Variants in CHRNA5 observed in about 807,000 individuals in gnomAD.
The protein encoded by CHRNA5 is cholinergic receptor nicotinic alpha 5 subunit.
Under a neutral mutation model 41.2 loss-of-function variants are expected in CHRNA5, and 28 were observed. That is an observed-to-expected ratio of 0.68 (90% CI 0.50 to 0.93). The LOEUF is 0.93. Among genes scored for constraint, CHRNA5 ranks in the 40% least tolerant of loss-of-function variants. The probability of loss-of-function intolerance (pLI) is 0.00; values close to 1 mark genes in which losing one functional copy is unlikely to be tolerated. For synonymous variants in CHRNA5, 188 were observed against 205.8 expected, an observed-to-expected ratio of 0.91 and a Z score of 0.74; for missense variants, 481 against 581.9, an observed-to-expected ratio of 0.83 and a Z score of 1.78.
At chr15:78,568,398 T>C (rs1222203572) in intron 1 of CHRNA5, among the ~76,000 whole-genome samples, 2 of 152,226 alleles carry the variant, frequency 1.3e-5, no homozygotes, top group African/African-American at 4.8e-5. Flanking sequence ...TCTTACTATT[T>C]CTTAGCTATG....
rs151083131 is a variant in CHRNA5 at position 78,585,576 on chromosome 15, A to G, written c.259-1069A>G. ...TTTTGTTGATTCTCCTGGCTCCATGATATTTCACTAAAATTTAATGGAAGA... is the reference window on the plus strand; with the variant it reads ...TTTTGTTGATTCTCCTGGCTCCATGGTATTTCACTAAAATTTAATGGAAGA... On this transcript the variant is annotated intron_variant, in intron 2 of 5. Transcript: ENST00000299565. Among the ~76,000 whole-genome samples, 6 of 152,196 alleles carry G rather than the reference A, an allele frequency of 3.9e-5. No individual in the cohort carries two copies. The East Asian group carries it at 1.2e-3, about 29-fold the overall frequency.
At chr15:78,589,729 A>G (rs1266948127) in intron 4 of CHRNA5, 76 bp from the exon 5 acceptor site, 1 of 1,175,426 alleles carries the variant, frequency 8.5e-7, no homozygotes, top group East Asian at 2.4e-5. Flanking sequence ...GCCTGCTTTT[A>G]TATTAGGCTT....
At chr15:78,587,630 A>G (rs1029957498) in intron 3 of CHRNA5, among the ~76,000 whole-genome samples, 8 of 151,562 alleles carry the variant, frequency 5.3e-5, no homozygotes, top group African/African-American at 1.9e-4. Flanking sequence ...AAGGATTCTG[A>G]CTCTCTAAGG....
rs1404853491 is a variant in CHRNA5, at chr15:78,565,524, GC to G, written c.-195del. The G allele has an allele frequency of 4.9e-6, 1 of 204,598 alleles. No homozygotes were observed. Among genetic ancestry groups the G allele is most frequent in the African/African-American group, 2.3e-5 (1 of 42,638 alleles). The allele number at this position is 204,598 out of a possible 1,614,324, so 12.7% of individuals were successfully genotyped here. ...GGCTAGGCGCCGGGAGCTTCCACAT[GC>G]GTCCCGAGCCCGCCAGAAGCTGCTA... is the stretch of plus-strand genomic sequence containing the variant. On this transcript the variant is annotated 5_prime_UTR_variant, in exon 1 of 6. It removes the in-frame stop codon of an upstream open reading frame in the 5' UTR. Transcript: ENST00000299565.
At chr15:78,590,016 A>G in exon 5 of CHRNA5, 1 of 1,614,204 alleles carries the variant, frequency 6.2e-7, no homozygotes, top group Non-Finnish European at 8.5e-7. Flanking sequence ...AGATGTAGAC[A>G]AGAGAGATTT....
intron 2 of CHRNA5, among the ~76,000 whole-genome samples, chr15:78,585,758 A>T (rs1458868795): frequency 6.8e-5 from 10 of 146,790 alleles, no homozygotes; most frequent in Admixed American, 1.4e-4. Flanking sequence ...GGCTGCCAAT[A>T]TTTTTTCTTT....
At chr15:78,566,313 T>G (rs1269976885) in intron 1 of CHRNA5, among the ~76,000 whole-genome samples, 1 of 152,132 alleles carries the variant, frequency 6.6e-6, no homozygotes, top group South Asian at 2.1e-4. Context: ...TCGCCGGAGA[T>G]GAAAGGTGTG....
At chr15:78,573,963 ATTTTTTTTTTTT>A (rs979485573) in intron 1 of CHRNA5, among the ~76,000 whole-genome samples, 1 of 102,100 alleles carries the variant, frequency 9.8e-6, no homozygotes, top group East Asian at 2.7e-4. Flanking sequence ...CGCCTGGCTA[ATTTTTTTTTTTT>A]TTTTTTTTTT....
intron 1 of CHRNA5, among the ~76,000 whole-genome samples, chr15:78,579,122 CAT>C (rs1328461079): frequency 6.6e-6 from 1 of 151,512 alleles, no homozygotes; most frequent in Non-Finnish European, 1.5e-5. Context: ...TTTAATGGCA[CAT>C]GTTTCCTGAT....
chr15:78,580,798 A>T lies in CHRNA5; in HGVS notation c.107-13A>T, dbSNP rs756226727. ...GAAGCGAGTACATTAACTTTTAAAAATTTGTTATACAGGATTATCTGAACC... is the reference window on the plus strand; with the variant it reads ...GAAGCGAGTACATTAACTTTTAAAATTTTGTTATACAGGATTATCTGAACC... On this transcript the variant is annotated splice_polypyrimidine_tract_variant and intron_variant, in intron 1 of 5. Transcript: ENST00000299565. 1 of 1,601,084 alleles carries T rather than the reference A, an allele frequency of 6.2e-7. No homozygotes were observed.
chr15:78,585,134 T>G (rs1251569100), intron 2 of CHRNA5, among the ~76,000 whole-genome samples: 1 of 152,156 alleles, frequency 6.6e-6, no homozygotes, highest in East Asian at 1.9e-4. Context: ...GCCAGTCTGG[T>G]CTCGAACTCC....
chr15:78,582,572 G>A (rs1596061038), intron 2 of CHRNA5, among the ~76,000 whole-genome samples: 1 of 151,982 alleles, frequency 6.6e-6, no homozygotes, highest in Admixed American at 6.6e-5. Context: ...ACACACAAAT[G>A]GTGTAGAAAA....
chr15:78,566,711 G>T (rs940419179), intron 1 of CHRNA5, among the ~76,000 whole-genome samples: 6 of 152,202 alleles, frequency 3.9e-5, no homozygotes, highest in African/African-American at 1.4e-4. Flanking sequence ...CTTTGTTAAG[G>T]TTTTTAATCT....
exon 5 of CHRNA5, chr15:78,590,373 A>C: frequency 6.2e-7 from 1 of 1,614,202 alleles, no homozygotes; most frequent in African/African-American, 1.3e-5. Context: ...GACACTGTCA[A>C]TTATGGTAAC....
intron 1 of CHRNA5, among the ~76,000 whole-genome samples, chr15:78,569,049 G>T (rs142762843): frequency 6.6e-6 from 1 of 151,982 alleles, no homozygotes; most frequent in African/African-American, 2.4e-5. Flanking sequence ...ATGTCCTTAC[G>T]TAAACTTTAT....
chr15:78,592,914 C>A, intron 5 of CHRNA5, 178 bp from the exon 6 acceptor site: 1 of 557,164 alleles, frequency 1.8e-6, no homozygotes, highest in Non-Finnish European at 3.0e-6. Flanking sequence ...AAGCTTATAT[C>A]TATAGTAGAC....
chr15:78,594,962 G>T (rs542693417), exon 6 of CHRNA5: 1 of 152,274 alleles, frequency 6.6e-6, no homozygotes, highest in East Asian at 1.9e-4. Flanking sequence ...GTGTGACCAG[G>T]TAGCAAACAC....
At chr15:78,567,048 C>T (rs1284295253) in intron 1 of CHRNA5, among the ~76,000 whole-genome samples, 3 of 151,820 alleles carry the variant, frequency 2.0e-5, no homozygotes, top group African/African-American at 7.3e-5. Flanking sequence ...GTCAGGAGAT[C>T]GAGACCATCC....
At chr15:78,591,530 G>A (rs1458171919) in intron 5 of CHRNA5, among the ~76,000 whole-genome samples, 3 of 152,060 alleles carry the variant, frequency 2.0e-5, no homozygotes, top group Non-Finnish European at 4.4e-5. Flanking sequence ...TTAAAATTAT[G>A]TGAATTATAA....
Sources: gnomAD v4.1 joint callset for allele counts (sites outside exome capture counted in the v4.1 genomes callset) on GRCh38, gnomAD v4.1.1 for gene constraint, MANE v1.5 for transcripts, NCBI Gene and HGNC (gene_info 2026-07-23, HGNC 2026-07-21) for gene names.